CLEC16A: variants seen among roughly 807,000 people sequenced by gnomAD.
The protein encoded by CLEC16A is C-type lectin domain containing 16A.
A neutral mutation model predicts 109.5 loss-of-function variants in CLEC16A; 51 were observed. That is an observed-to-expected ratio of 0.47 (90% CI 0.37 to 0.59). CLEC16A has a LOEUF of 0.59. Ranked by LOEUF, CLEC16A falls within the 20% of genes least tolerant of loss-of-function variation. CLEC16A has a pLI of 0.00. For missense variants in CLEC16A, 1,339 were observed against 1,394.0 expected, an observed-to-expected ratio of 0.96 and a Z score of 0.63; for synonymous variants, 673 against 564.2, an observed-to-expected ratio of 1.19 and a Z score of -2.73.
chr16:11,123,191 C>T (rs1417585751), intron 20 of CLEC16A, among the ~76,000 whole-genome samples: 1 of 152,148 alleles, frequency 6.6e-6, no homozygotes, highest in African/African-American at 2.4e-5. Context: ...CGTGAGCCAC[C>T]GTGCCCAGCC....
At chr16:11,157,117 A>T (rs897626811) in intron 22 of CLEC16A, 3 of 1,303,064 alleles carry the variant, frequency 2.3e-6, no homozygotes, top group Non-Finnish European at 3.0e-6. Flanking sequence ...GGATTTATCC[A>T]TGGATAAAGA....
chr16:11,051,446 T>A (rs2047935603), intron 17 of CLEC16A, 67 bp from the exon 18 acceptor site: 1 of 1,549,296 alleles, frequency 6.5e-7, no homozygotes, highest in Non-Finnish European at 8.8e-7. Flanking sequence ...CTGTGCAACC[T>A]CCCCCGGCCC....
chr16:11,161,426 C>T lies in CLEC16A; in HGVS notation c.2642-4962C>T, dbSNP rs370655760. Among the ~76,000 whole-genome samples, 70 of 152,274 alleles carry T rather than the reference C, an allele frequency of 4.6e-4. 1 individual carries two copies. The East Asian group carries it at 0.013, about 27-fold the overall frequency. The stretch of plus-strand genomic sequence containing the variant: ...AAAAGAAGCAAAACAGAACTCCAGA[C>T]CGAGGGAACGGCCTAGCAAAGGTTG... On this transcript the variant is annotated intron_variant, in intron 22 of 23. Transcript: ENST00000409790.
intron 19 of CLEC16A, among the ~76,000 whole-genome samples, chr16:11,090,593 A>T (rs1287238286): frequency 6.6e-6 from 1 of 152,078 alleles, no homozygotes. Context: ...GGTCCAGAGA[A>T]TCTACAGTCC....
chr16:11,141,512 G>T (rs2053827596), intron 22 of CLEC16A, among the ~76,000 whole-genome samples: 1 of 152,254 alleles, frequency 6.6e-6, no homozygotes, highest in East Asian at 1.9e-4. Flanking sequence ...GACCGTGGGG[G>T]ATCTGGAGGG....
intron 10 of CLEC16A, among the ~76,000 whole-genome samples, chr16:10,986,730 A>C (rs1453120255): frequency 8.6e-6 from 1 of 116,810 alleles, no homozygotes; most frequent in African/African-American, 5.6e-5. Context: ...TTTAAGGCTC[A>C]ATGTGTGTGT....
At chr16:10,985,554 T>A (rs1344828145) in intron 10 of CLEC16A, among the ~76,000 whole-genome samples, 2 of 151,828 alleles carry the variant, frequency 1.3e-5, no homozygotes, top group African/African-American at 2.4e-5. Context: ...GGACTTTTTT[T>A]TTTTTTTAGT....
At chr16:11,078,525 C>CT (rs2049517611) in intron 19 of CLEC16A, among the ~76,000 whole-genome samples, 1 of 152,202 alleles carries the variant, frequency 6.6e-6, no homozygotes, top group Admixed American at 6.5e-5. Context: ...TCACATCTCT[C>CT]TAAGTTCCAA....
At chr16:11,160,793 C>G (rs1394529238) in intron 22 of CLEC16A, among the ~76,000 whole-genome samples, 7 of 152,228 alleles carry the variant, frequency 4.6e-5, no homozygotes, top group Non-Finnish European at 1.5e-5. Context: ...CAAACTCCTT[C>G]CTTTTCAGTG....
Position 11,013,562 on chromosome 16 carries a change from C to G in CLEC16A, c.1304-6631C>G, listed in dbSNP as rs578201081. Among the ~76,000 whole-genome samples the G allele has an allele frequency of 2.0e-5, 3 of 152,098 alleles. No individual in the cohort carries two copies. The South Asian group carries it at 6.2e-4, about 32-fold the overall frequency. On this transcript the variant is annotated intron_variant, in intron 11 of 23. Transcript: ENST00000409790. ...GGCAGATCATTTGAGGTCAGGAGTTCGAGACCAACCTGACCAACATGGTGG... is the reference window on the plus strand; with the variant it reads ...GGCAGATCATTTGAGGTCAGGAGTTGGAGACCAACCTGACCAACATGGTGG...
chr16:11,136,945 C>A lies in CLEC16A; in HGVS notation c.2641+10799C>A, dbSNP rs917568377. Among the ~76,000 whole-genome samples, 6 of 152,246 alleles carry A rather than the reference C, an allele frequency of 3.9e-5. 1 individual carries two copies. The highest frequency in any genetic ancestry group is 3.3e-4 in the Admixed American group (5 of 15,286). Reference sequence around the variant, plus strand: ...CCAGCTCACAAGTGGCCAGCCAGGGCTCCCTGGTTTCCACTCCGTGAACCG... The same window carrying A: ...CCAGCTCACAAGTGGCCAGCCAGGGATCCCTGGTTTCCACTCCGTGAACCG... On this transcript the variant is annotated intron_variant, in intron 22 of 23. Transcript: ENST00000409790.
chr16:11,143,308 G>C (rs1173819854), intron 22 of CLEC16A, among the ~76,000 whole-genome samples: 1 of 152,178 alleles, frequency 6.6e-6, no homozygotes, highest in African/African-American at 2.4e-5. Flanking sequence ...TGAGTGGGCA[G>C]ATATCATGCC....
intron 19 of CLEC16A, among the ~76,000 whole-genome samples, chr16:11,109,532 C>A (rs113906892): frequency 4.3e-4 from 66 of 152,288 alleles, no homozygotes; most frequent in African/African-American, 1.5e-3. Flanking sequence ...TGAAAGCCAG[C>A]AATGCTCAGT....
chr16:11,012,191 A>C (rs974553722), intron 11 of CLEC16A, among the ~76,000 whole-genome samples: 1 of 152,248 alleles, frequency 6.6e-6, no homozygotes, highest in Non-Finnish European at 1.5e-5. Flanking sequence ...ACAGGAGTTA[A>C]GTTCATGTGG....
At chr16:11,010,607 A>C (rs1430012091) in intron 11 of CLEC16A, among the ~76,000 whole-genome samples, 2 of 152,174 alleles carry the variant, frequency 1.3e-5, no homozygotes, top group Non-Finnish European at 2.9e-5. Flanking sequence ...TTCCTCCTGA[A>C]GCATCATGAG....
intron 22 of CLEC16A, among the ~76,000 whole-genome samples, chr16:11,166,074 G>A (rs1008120143): frequency 6.6e-6 from 1 of 152,208 alleles, no homozygotes; most frequent in Non-Finnish European, 1.5e-5. Context: ...GAGGCTGCAC[G>A]TCCCTCTTCA....
intron 2 of CLEC16A, among the ~76,000 whole-genome samples, chr16:10,959,468 C>T (rs2042151660): frequency 1.3e-5 from 2 of 152,112 alleles, no homozygotes; most frequent in African/African-American, 4.8e-5. Flanking sequence ...CCCGGCTCAC[C>T]GCAACCTCTG....
intron 11 of CLEC16A, 49 bp downstream of exon 11, chr16:11,003,354 C>A: frequency 6.6e-7 from 1 of 1,512,470 alleles, no homozygotes; most frequent in Non-Finnish European, 9.1e-7. Context: ...CCAGCCAGCC[C>A]GCCAGCGAGG....
intron 11 of CLEC16A, among the ~76,000 whole-genome samples, chr16:11,016,362 T>G (rs1388246009): frequency 6.6e-6 from 1 of 151,666 alleles, no homozygotes; most frequent in Non-Finnish European, 1.5e-5. Context: ...TTCTTTTTTT[T>G]TTTTGAAACA....
Sources: allele counts gnomAD v4.1 joint callset (sites outside exome capture counted in the v4.1 genomes callset), GRCh38; gene constraint gnomAD v4.1.1; transcripts MANE v1.5; gene names NCBI Gene and HGNC (gene_info 2026-07-23, HGNC 2026-07-21).